The following NRROS variants were observed in gnomAD, a reference collection of about 807,000 sequenced individuals.
NRROS encodes transforming growth factor beta activator LRRC33.
Under a neutral mutation model 12.0 loss-of-function variants are expected in NRROS, and 6 were observed. The observed-to-expected ratio is 0.50, with a 90% CI of 0.27 to 0.98. The LOEUF (loss-of-function observed/expected upper bound fraction) is 0.98. NRROS is among the 50% of genes least tolerant of loss of function. The probability of loss-of-function intolerance (pLI) is 0.11; values close to 1 mark genes in which losing one functional copy is unlikely to be tolerated. For missense variants in NRROS, 857 were observed against 888.2 expected, an observed-to-expected ratio of 0.96 and a Z score of 0.45; for synonymous variants, 462 against 410.2, an observed-to-expected ratio of 1.13 and a Z score of -1.53.
intron 2 of NRROS, among the ~76,000 whole-genome samples, chr3:196,659,350 G>GAGTGCAGT (rs1313436363): frequency 6.8e-6 from 1 of 146,650 alleles, no homozygotes; most frequent in South Asian, 2.2e-4. Flanking sequence ...GCCCAGGCTG[G>GAGTGCAGT]AGTGCAGTGG....
chr3:196,661,539 G>A lies in NRROS; in HGVS notation c.1896G>A (p.Glu632=), dbSNP rs1737681376. The change falls in exon 3 of 3, where the codon GAG becomes GAA. Residue 632 remains glutamate, a synonymous_variant. Coordinates refer to ENST00000328557, the MANE Select transcript of NRROS (RefSeq NM_198565.3). ...CCTCCAAGATCATCCGCGTGACGGA[G>A]CTGCCCGGAGGTGTGCCTCGGGACT... is the stretch of plus-strand genomic sequence containing the variant. ...NLSSKIIRVT[E]LPGGVPRDCK... is the part of the protein sequence containing the mutation. 3.7e-6 allele frequency: 6 copies of A among 1,613,896 alleles called. No individual in the cohort carries two copies. The highest frequency in any genetic ancestry group is 1.1e-5 in the South Asian group (1 of 91,080).
intron 2 of NRROS, 93 bp from the exon 3 acceptor site, chr3:196,659,659 T>G: frequency 7.7e-7 from 1 of 1,297,756 alleles, no homozygotes; most frequent in Non-Finnish European, 1.1e-6. Flanking sequence ...CCCCGGCGGT[T>G]GCAGGGACAG....
In NRROS at chr3:196,661,558, C is replaced by T. The variant is rs138296874; in HGVS notation, c.1915C>T (p.Arg639Trp). 4.6e-5 allele frequency: 74 copies of T among 1,613,888 alleles called. No individual in the cohort carries two copies. Among genetic ancestry groups the T allele is most frequent in the Non-Finnish European group, 5.9e-5 (70 of 1,180,014 alleles). Residue 639 changes from arginine to tryptophan, a missense_variant, in exon 3 of 3, where the codon CGG becomes TGG. By Grantham distance (101) the Arg-to-Trp change is moderately radical (BLOSUM62 -3). Coordinates refer to ENST00000328557, the MANE Select transcript of NRROS (RefSeq NM_198565.3). Reference protein sequence around the residue: ...RVTELPGGVPRDCKWERLDLG... With the variant: ...RVTELPGGVPWDCKWERLDLG... ...GACGGAGCTGCCCGGAGGTGTGCCT[C>T]GGGACTGCAAGTGGGAGCGGCTGGA...
chr3:196,658,817 A>G (rs1560055636), intron 2 of NRROS, among the ~76,000 whole-genome samples: 1 of 152,032 alleles, frequency 6.6e-6, no homozygotes, highest in African/African-American at 2.4e-5. Context: ...AAATACAAAA[A>G]AAGTTAGCTG....
intron 1 of NRROS, among the ~76,000 whole-genome samples, chr3:196,646,448 C>CGAGGT (rs1737313594): frequency 6.6e-6 from 1 of 152,232 alleles, no homozygotes; most frequent in Non-Finnish European, 1.5e-5. Flanking sequence ...CATGCAAGGG[C>CGAGGT]GAGGTGTCAC....
At position 196,654,454 on chromosome 3, in the gene NRROS, T is replaced by G. The variant is rs535322366; in HGVS notation, c.-13-73T>G. 1.1e-6 allele frequency: 1 copy of G among 895,724 alleles called. No individual in the cohort carries two copies. The highest frequency in any genetic ancestry group is 2.4e-5 in the East Asian group (1 of 41,728). 55.5% of individuals were successfully genotyped at this position (895,724 alleles called of 1,614,324 possible). Reference sequence around the variant, plus strand: ...ACCACATAGAATTGGAACTGGCTCCTTCTGCCGATAATACAAACAGCCCTC... The same window carrying G: ...ACCACATAGAATTGGAACTGGCTCCGTCTGCCGATAATACAAACAGCCCTC... On this transcript the variant is annotated intron_variant, in intron 1 of 2. Transcript: ENST00000328557. The surrounding 1 kb of genome is among the most constrained non-coding windows in gnomAD (Gnocchi z 4.4).
In NRROS at chr3:196,659,752, G is replaced by A; in HGVS notation, c.109G>A (p.Val37Met). 1 of 1,605,388 alleles carries A rather than the reference G, an allele frequency of 6.2e-7. No homozygotes were observed. The highest frequency in any genetic ancestry group is 1.3e-5 in the African/African-American group (1 of 74,892). ...TAASQGVCKLVGGAADCRGQS... is the reference protein window; with the variant it reads ...TAASQGVCKLMGGAADCRGQS... ...CTGACCGGTGTGGTTTTGGCCGCAG[G>A]TGGGTGGAGCCGCTGACTGCCGAGG... The change falls in exon 3 of 3, where the codon GTG (valine) becomes ATG (methionine). Residue 37 changes from valine to methionine, a missense_variant and splice_region_variant. Transcript: ENST00000328557.
chr3:196,651,545 TC>T (rs1315149003), intron 1 of NRROS, among the ~76,000 whole-genome samples: 2 of 152,112 alleles, frequency 1.3e-5, no homozygotes, highest in Non-Finnish European at 2.9e-5. Context: ...GGCGGGCAGA[TC>T]ACCTGAGGTC....
chr3:196,661,177 A>G lies in NRROS; in HGVS notation c.1534A>G (p.Met512Val). ...SLAPLQDVAP[M>V]LQVLSLRNMG... is the part of the protein sequence containing the mutation. ...CGCCCCACTCCAGGATGTTGCCCCCATGTTACAGGTCCTGTCTCTCAGGAA... is the reference window on the plus strand; with the variant it reads ...CGCCCCACTCCAGGATGTTGCCCCCGTGTTACAGGTCCTGTCTCTCAGGAA... Residue 512 changes from methionine (M) to valine (V), a missense_variant, in exon 3 of 3, where the codon ATG becomes GTG. Physicochemically the swap from Met to Val is conservative, Grantham distance 21. Coordinates refer to ENST00000328557, the MANE Select transcript of NRROS (RefSeq NM_198565.3). The G allele has an allele frequency of 6.2e-7, 1 of 1,612,974 alleles. No individual in the cohort carries two copies. The highest frequency in any genetic ancestry group is 8.5e-7 in the Non-Finnish European group (1 of 1,179,400).
At chr3:196,659,653 G>A (rs1022208018) in intron 2 of NRROS, 99 bp from the exon 3 acceptor site, 59 of 1,210,436 alleles carry the variant, frequency 4.9e-5, no homozygotes, top group Non-Finnish European at 4.7e-5. Context: ...AGCCATCCCC[G>A]GCGGTTGCAG....
In NRROS at chr3:196,646,827, A is replaced by G. The variant is rs189974384; in HGVS notation, c.-14+6952A>G. 2.3e-3 allele frequency among the ~76,000 whole-genome samples: 350 copies of G among 152,278 alleles called. 4 individuals carry two copies. Among genetic ancestry groups the G allele is most frequent in the Admixed American group, 0.017 (263 of 15,292 alleles). ...AACCGGAGAACCGGGTGGGAACCGG[A>G]GATCTGAGTTGAACCAGTGCTGGGA... On this transcript the variant is annotated intron_variant, in intron 1 of 2. Coordinates refer to ENST00000328557, the MANE Select transcript of NRROS (RefSeq NM_198565.3).
intron 2 of NRROS, among the ~76,000 whole-genome samples, chr3:196,655,672 A>G (rs1318414470): frequency 6.6e-6 from 1 of 152,198 alleles, no homozygotes; most frequent in African/African-American, 2.4e-5. Context: ...TAAGGCTTAC[A>G]CAGCTGCGGG....
chr3:196,645,631 G>A (rs1737293106), intron 1 of NRROS, among the ~76,000 whole-genome samples: 1 of 152,124 alleles, frequency 6.6e-6, no homozygotes, highest in Non-Finnish European at 1.5e-5. Context: ...ATTGACCTTT[G>A]AATCGGCCTC....
At chr3:196,646,639 C>A (rs1218935154) in intron 1 of NRROS, among the ~76,000 whole-genome samples, 1 of 152,168 alleles carries the variant, frequency 6.6e-6, no homozygotes, top group East Asian at 1.9e-4. Context: ...GGGAGGTGCT[C>A]AAAGCGGGCT....
rs373853220 is a variant in NRROS, at chr3:196,661,543, C to G, written c.1900C>G (p.Pro634Ala). The change falls in exon 3 of 3, where the codon CCC becomes GCC. Residue 634 changes from proline (P) to alanine (A), a missense_variant. Transcript: ENST00000328557. Reference sequence around the variant, plus strand: ...CAAGATCATCCGCGTGACGGAGCTGCCCGGAGGTGTGCCTCGGGACTGCAA... The same window carrying G: ...CAAGATCATCCGCGTGACGGAGCTGGCCGGAGGTGTGCCTCGGGACTGCAA... Reference protein sequence around the residue: ...SSKIIRVTELPGGVPRDCKWE... With the variant: ...SSKIIRVTELAGGVPRDCKWE... 2 of 1,613,922 alleles carry G rather than the reference C, an allele frequency of 1.2e-6. No individual in the cohort carries two copies. Among genetic ancestry groups the G allele is most frequent in the Non-Finnish European group, 1.7e-6 (2 of 1,180,012 alleles).
chr3:196,646,901 C>G (rs1737324867), intron 1 of NRROS, among the ~76,000 whole-genome samples: 1 of 152,246 alleles, frequency 6.6e-6, no homozygotes, highest in African/African-American at 2.4e-5. Context: ...CTTTTCACCT[C>G]TCTGGCCTGC....
chr3:196,648,604 T>C (rs1737353663), intron 1 of NRROS, among the ~76,000 whole-genome samples: 1 of 151,556 alleles, frequency 6.6e-6, no homozygotes, highest in South Asian at 2.1e-4. Flanking sequence ...CCATCTCTAC[T>C]AAAAATACAA....
chr3:196,654,871 C>T lies in NRROS; in HGVS notation c.108+224C>T, dbSNP rs1317037715. ...CAGTCCCTGCCCCGCCGTTCTCACG[C>T]CTGCTGAGGATAGGAGGCATCCGAG... On this transcript the variant is annotated intron_variant, in intron 2 of 2. Transcript: ENST00000328557. The surrounding 1 kb of genome is among the most constrained non-coding windows in gnomAD (Gnocchi z 4.4). The T allele has an allele frequency of 5.7e-6, 3 of 527,664 alleles. No homozygotes were observed. Among genetic ancestry groups the T allele is most frequent in the Admixed American group, 6.8e-5 (2 of 29,392 alleles). The allele number at this position is 527,664 out of a possible 1,614,324, so 32.7% of individuals were successfully genotyped here. A position where few individuals can be genotyped will look rare whatever the true frequency, so the allele number is the denominator to read the frequency against.
intron 1 of NRROS, among the ~76,000 whole-genome samples, chr3:196,646,553 C>T (rs1349611285): frequency 6.6e-6 from 1 of 152,232 alleles, no homozygotes; most frequent in East Asian, 1.9e-4. Flanking sequence ...CCTCTGATGG[C>T]TCTACCAGGC....
Sources: allele counts gnomAD v4.1 joint callset (sites outside exome capture counted in the v4.1 genomes callset), GRCh38; gene constraint gnomAD v4.1.1; non-coding constraint Gnocchi (gnomAD v3.1); transcripts MANE v1.5; gene names NCBI Gene and HGNC (gene_info 2026-07-23, HGNC 2026-07-21).